The following TSPAN2 variants were observed in gnomAD, a reference collection of about 807,000 sequenced individuals.
TSPAN2 encodes the protein tetraspanin 2, also known as tetraspanin-2.
TSPAN2 carries 24 observed loss-of-function variants against 33.3 expected under a neutral mutation model. That is an observed-to-expected ratio of 0.72 (90% CI 0.52 to 1.01). The LOEUF (loss-of-function observed/expected upper bound fraction) is 1.01, where lower values mean the gene tolerates loss of function less well. Among genes scored for constraint, TSPAN2 ranks in the 50% least tolerant of loss-of-function variants. TSPAN2 has a pLI of 0.00. For missense variants in TSPAN2, 278 were observed against 281.3 expected, an observed-to-expected ratio of 0.99 and a Z score of 0.08; for synonymous variants, 114 against 104.5, an observed-to-expected ratio of 1.09 and a Z score of -0.56.
intron 6 of TSPAN2, among the ~76,000 whole-genome samples, chr1:115,055,524 T>A (rs1425895093): frequency 6.6e-6 from 1 of 151,622 alleles, no homozygotes; most frequent in Non-Finnish European, 1.5e-5. Flanking sequence ...ATGATTATGA[T>A]GATTATTTTT....
chr1:115,071,434 G>C (rs1648172020), intron 2 of TSPAN2, among the ~76,000 whole-genome samples: 1 of 152,188 alleles, frequency 6.6e-6, no homozygotes, highest in African/African-American at 2.4e-5. Context: ...TAAGGACACT[G>C]AAGACAGCAG....
chr1:115,052,906 T>C (rs1374633972), intron 7 of TSPAN2, among the ~76,000 whole-genome samples: 1 of 152,168 alleles, frequency 6.6e-6, no homozygotes, highest in Non-Finnish European at 1.5e-5. Context: ...ATAGAAAAAT[T>C]AAGAAATTTT....
At chr1:115,082,741 C>A (rs565232863) in intron 1 of TSPAN2, among the ~76,000 whole-genome samples, 1 of 152,292 alleles carries the variant, frequency 6.6e-6, no homozygotes, top group South Asian at 2.1e-4. Flanking sequence ...AAGACTAAAT[C>A]TGACACTGAA....
chr1:115,066,261 C>T (rs1001313356), intron 2 of TSPAN2, among the ~76,000 whole-genome samples: 1 of 152,142 alleles, frequency 6.6e-6, no homozygotes, highest in Non-Finnish European at 1.5e-5. Flanking sequence ...TGGATATATA[C>T]CCAGCAGTGG....
intron 1 of TSPAN2, among the ~76,000 whole-genome samples, chr1:115,075,170 G>T (rs1456851762): frequency 1.3e-5 from 2 of 152,160 alleles, no homozygotes; most frequent in African/African-American, 4.8e-5. Context: ...CATTTGTCCA[G>T]TTCTGGCACA....
intron 1 of TSPAN2, among the ~76,000 whole-genome samples, chr1:115,085,140 C>T (rs1648786518): frequency 6.6e-6 from 1 of 152,124 alleles, no homozygotes; most frequent in Non-Finnish European, 1.5e-5. Context: ...AAGGTGATTT[C>T]AATGAAAGGC....
intron 1 of TSPAN2, among the ~76,000 whole-genome samples, chr1:115,087,201 G>A (rs1648869547): frequency 6.6e-6 from 1 of 152,016 alleles, no homozygotes; most frequent in South Asian, 2.1e-4. Context: ...TTACAGGCAT[G>A]AGCCACTGTG....
At chr1:115,071,864 G>A (rs1219144327) in intron 2 of TSPAN2, among the ~76,000 whole-genome samples, 1 of 152,190 alleles carries the variant, frequency 6.6e-6, no homozygotes, top group Non-Finnish European at 1.5e-5. Flanking sequence ...GGCCCTTCGG[G>A]AGGATGTCCC....
At position 115,062,311 on chromosome 1, in the gene TSPAN2, A is replaced by C. The variant is rs959265286; in HGVS notation, c.173-79T>G. The C allele has an allele frequency of 2.5e-4, 266 of 1,056,190 alleles. 2 individuals carry two copies. In the East Asian group the frequency reaches 3.6e-3, roughly 14 times the overall value. The allele number at this position is 1,056,190 out of a possible 1,614,324, so 65.4% of individuals were successfully genotyped here. On this transcript the variant is annotated intron_variant, in intron 2 of 7. Transcript: ENST00000369516. ...ACCAACTAGGCTTAAGACTCTGGGCACTGCAGAGCATTCTAATAGTACCAA... is the reference window on the plus strand; with the variant it reads ...ACCAACTAGGCTTAAGACTCTGGGCCCTGCAGAGCATTCTAATAGTACCAA...
intron 2 of TSPAN2, among the ~76,000 whole-genome samples, chr1:115,066,818 T>C (rs1373747380): frequency 1.3e-5 from 2 of 152,232 alleles, no homozygotes; most frequent in East Asian, 1.9e-4. Flanking sequence ...ATTTAGGATG[T>C]TTTCACATTT....
At chr1:115,073,872 C>A (rs1031849198) in intron 1 of TSPAN2, among the ~76,000 whole-genome samples, 4 of 151,984 alleles carry the variant, frequency 2.6e-5, no homozygotes, top group African/African-American at 9.7e-5. Flanking sequence ...AAGTTGGAAG[C>A]CCTTTCTGCC....
intron 2 of TSPAN2, among the ~76,000 whole-genome samples, chr1:115,066,181 C>G (rs190351948): frequency 5.3e-5 from 8 of 152,278 alleles, no homozygotes; most frequent in Admixed American, 3.3e-4. Context: ...CATATGTTGG[C>G]TATTATGAAA....
chr1:115,059,989 T>A (rs922157811), intron 4 of TSPAN2, among the ~76,000 whole-genome samples: 1 of 152,190 alleles, frequency 6.6e-6, no homozygotes, highest in Non-Finnish European at 1.5e-5. Context: ...CGATAACCTA[T>A]TCTGGACACC....
chr1:115,051,764 G>A (rs955518874), intron 7 of TSPAN2, among the ~76,000 whole-genome samples: 1 of 152,196 alleles, frequency 6.6e-6, no homozygotes, highest in African/African-American at 2.4e-5. Context: ...GCATGGCCAG[G>A]AACAGGATTT....
chr1:115,060,918 T>A (rs1279382737), intron 3 of TSPAN2, among the ~76,000 whole-genome samples: 10 of 152,126 alleles, frequency 6.6e-5, no homozygotes, highest in Non-Finnish European at 1.0e-4. Flanking sequence ...ACAAAAGACC[T>A]AGAAAGATAT....
chr1:115,081,689 A>T (rs1264167040), intron 1 of TSPAN2, among the ~76,000 whole-genome samples: 1 of 152,182 alleles, frequency 6.6e-6, no homozygotes, highest in African/African-American at 2.4e-5. Context: ...CCTCCTAAAG[A>T]GACTAAATGA....
At chr1:115,055,670 C>T (rs998051662) in intron 6 of TSPAN2, among the ~76,000 whole-genome samples, 3 of 152,062 alleles carry the variant, frequency 2.0e-5, no homozygotes, top group African/African-American at 7.2e-5. Flanking sequence ...ATCACAGGCA[C>T]ATGCCACCAC....
intron 1 of TSPAN2, among the ~76,000 whole-genome samples, chr1:115,074,835 T>C (rs1173854515): frequency 6.6e-6 from 1 of 152,146 alleles, no homozygotes; most frequent in Non-Finnish European, 1.5e-5. Flanking sequence ...TGTTCCTGTG[T>C]AGGAAAGAGA....
chr1:115,058,448 G>C, intron 5 of TSPAN2: 1 of 230,572 alleles, frequency 4.3e-6, no homozygotes, highest in Non-Finnish European at 8.4e-6. Context: ...GGAGCTGCGT[G>C]GGTATCAGGG....
Sources: allele counts gnomAD v4.1 joint callset (sites outside exome capture counted in the v4.1 genomes callset), GRCh38; gene constraint gnomAD v4.1.1; transcripts MANE v1.5; gene names NCBI Gene and HGNC (gene_info 2026-07-23, HGNC 2026-07-21).